The following LRP1B variants were observed in gnomAD, a reference collection of about 807,000 sequenced individuals.
LRP1B encodes low-density lipoprotein receptor-related protein 1B.
Under a neutral mutation model 556.6 loss-of-function variants are expected in LRP1B, and 217 were observed. The observed-to-expected ratio is 0.39, with a 90% confidence interval of 0.35 to 0.44. The LOEUF is 0.44. Among genes scored for constraint, LRP1B ranks in the 20% least tolerant of loss-of-function variants. LRP1B has a pLI of 1.00. For missense variants in LRP1B, 5,053 were observed against 5,620.8 expected, an observed-to-expected ratio of 0.90 and a Z score of 3.23; for synonymous variants, 2,047 against 1,865.8, an observed-to-expected ratio of 1.10 and a Z score of -2.50.
intron 1 of LRP1B, among the ~76,000 whole-genome samples, chr2:141,923,967 G>T (rs965810087): frequency 1.3e-5 from 2 of 152,000 alleles, no homozygotes; most frequent in African/African-American, 4.8e-5. Context: ...CATAGGAAAA[G>T]CATGCTATTG....
chr2:141,512,485 T>C lies in LRP1B; in HGVS notation c.206-31952A>G, dbSNP rs75123329. Among the ~76,000 whole-genome samples, 512 of 152,236 alleles carry C rather than the reference T, an allele frequency of 3.4e-3. 3 individuals carry two copies. The highest frequency in any genetic ancestry group is 0.012 in the African/African-American group (495 of 41,566). ...TCCTTTCTGTCTCAGTGTCAAAAAA[T>C]GGAAATGATTGGAGTGACCTGAGGT... On this transcript the variant is annotated intron_variant, in intron 2 of 90. Coordinates refer to ENST00000389484, the MANE Select transcript of LRP1B (RefSeq NM_018557.3).
At chr2:140,771,440 C>A (rs561768854) in intron 33 of LRP1B, among the ~76,000 whole-genome samples, 17 of 152,124 alleles carry the variant, frequency 1.1e-4, no homozygotes, top group African/African-American at 4.1e-4. Flanking sequence ...AAAGATTATG[C>A]GTCTAAAAGA....
intron 2 of LRP1B, among the ~76,000 whole-genome samples, chr2:141,649,720 C>T (rs1689714087): frequency 6.6e-6 from 1 of 152,146 alleles, no homozygotes; most frequent in South Asian, 2.1e-4. Flanking sequence ...CCTTCATATT[C>T]ATCACTTTAC....
At chr2:140,766,834 TATA>T (rs1347769798) in intron 35 of LRP1B, among the ~76,000 whole-genome samples, 2 of 24,066 alleles carry the variant, frequency 8.3e-5, no homozygotes, top group Admixed American at 5.2e-4. Context: ...TATATATATA[TATA>T]TATATATTAT....
chr2:140,390,210 CT>C (rs1401368028), intron 66 of LRP1B, among the ~76,000 whole-genome samples: 2 of 151,946 alleles, frequency 1.3e-5, no homozygotes, highest in African/African-American at 4.8e-5. Flanking sequence ...AAAAATTAAA[CT>C]GGAGAATTTA....
intron 16 of LRP1B, among the ~76,000 whole-genome samples, chr2:140,991,039 AAAAAC>A (rs755975339): frequency 6.6e-6 from 1 of 152,096 alleles, no homozygotes; most frequent in African/African-American, 2.4e-5. Flanking sequence ...TGTATAGTAA[AAAAAC>A]AAAACAAAAC....
chr2:141,314,610 T>C lies in LRP1B; in HGVS notation c.344-59969A>G, dbSNP rs560110494. Among the ~76,000 whole-genome samples, 3 of 151,350 alleles carry C rather than the reference T, an allele frequency of 2.0e-5. No individual in the cohort carries two copies. In the South Asian group the frequency reaches 6.3e-4, roughly 32 times the overall value. On this transcript the variant is annotated intron_variant, in intron 3 of 90. Coordinates refer to ENST00000389484, the MANE Select transcript of LRP1B (RefSeq NM_018557.3). Reference sequence around the variant, plus strand: ...ATCGAGACCATCTTGGCTAACATGATGAAACCCCGTTTCTACTAAAAATAG... The same window carrying C: ...ATCGAGACCATCTTGGCTAACATGACGAAACCCCGTTTCTACTAAAAATAG...
At chr2:141,173,993 A>G (rs1003496981) in intron 7 of LRP1B, among the ~76,000 whole-genome samples, 1 of 152,040 alleles carries the variant, frequency 6.6e-6, no homozygotes, top group Non-Finnish European at 1.5e-5. Context: ...TTCTATCTAG[A>G]GATAGAATAC....
chr2:141,672,100 A>C (rs188387047), intron 2 of LRP1B, among the ~76,000 whole-genome samples: 31 of 152,132 alleles, frequency 2.0e-4, no homozygotes, highest in African/African-American at 7.0e-4. Flanking sequence ...CAAGGACCTA[A>C]CCTCATCTGG....
At chr2:141,211,851 C>T (rs553381248) in intron 6 of LRP1B, among the ~76,000 whole-genome samples, 18 of 152,134 alleles carry the variant, frequency 1.2e-4, no homozygotes, top group Middle Eastern at 3.4e-3. Flanking sequence ...TGTAACTGTC[C>T]TTTTTTGACT....
chr2:141,826,413 G>A (rs1376374407), intron 1 of LRP1B, among the ~76,000 whole-genome samples: 1 of 131,446 alleles, frequency 7.6e-6, no homozygotes, highest in Non-Finnish European at 1.5e-5. Context: ...AGGCTGGAGT[G>A]CAGTGGCGCC....
chr2:140,586,244 G>A (rs1464659421), intron 43 of LRP1B, among the ~76,000 whole-genome samples: 1 of 152,122 alleles, frequency 6.6e-6, no homozygotes, highest in Non-Finnish European at 1.5e-5. Context: ...AAATTCCATG[G>A]AAGTGTGTTT....
At chr2:141,255,265 C>T (rs1484343287) in intron 3 of LRP1B, among the ~76,000 whole-genome samples, 6 of 151,884 alleles carry the variant, frequency 4.0e-5, no homozygotes, top group East Asian at 1.9e-4. Flanking sequence ...CACAAACAAT[C>T]GCTAACAGAA....
chr2:140,310,627 A>G (rs1444341271), intron 83 of LRP1B, among the ~76,000 whole-genome samples: 1 of 151,736 alleles, frequency 6.6e-6, no homozygotes, highest in African/African-American at 2.4e-5. Context: ...TGACAAAATT[A>G]ACAGAAATAT....
intron 3 of LRP1B, among the ~76,000 whole-genome samples, chr2:141,312,696 T>C (rs1270777384): frequency 2.3e-5 from 2 of 85,238 alleles, no homozygotes; most frequent in Non-Finnish European, 4.9e-5. Flanking sequence ...TTGATAATTC[T>C]TTTTTTTTTT....
intron 7 of LRP1B, among the ~76,000 whole-genome samples, chr2:141,069,704 A>T (rs1699581713): frequency 6.6e-6 from 1 of 152,170 alleles, no homozygotes; most frequent in African/African-American, 2.4e-5. Context: ...TAACATTTTG[A>T]CTGTGAGGCA....
chr2:140,712,106 G>T (rs1165715639), intron 37 of LRP1B, among the ~76,000 whole-genome samples: 1 of 152,050 alleles, frequency 6.6e-6, no homozygotes, highest in Non-Finnish European at 1.5e-5. Flanking sequence ...TTCTTTGGAG[G>T]ATTATCCTGG....
rs368760071 is a variant in LRP1B, at chr2:141,035,055, T to C, written c.1789+13931A>G. ...AAAAATGATGAGTTCATGTCCTTTG[T>C]AGGGACATGGATGAAATTGGAAATC... On this transcript the variant is annotated intron_variant, in intron 11 of 90. Coordinates refer to ENST00000389484, the MANE Select transcript of LRP1B (RefSeq NM_018557.3). Among the ~76,000 whole-genome samples, 1,494 of 152,044 alleles carry C rather than the reference T, an allele frequency of 9.8e-3. 26 individuals are homozygous for C. Among genetic ancestry groups the C allele is most frequent in the African/African-American group, 0.033 (1,358 of 41,434 alleles).
chr2:141,908,482 A>G (rs1232348521), intron 1 of LRP1B, among the ~76,000 whole-genome samples: 2 of 152,032 alleles, frequency 1.3e-5, no homozygotes, highest in African/African-American at 2.4e-5. Flanking sequence ...GAGAAAAACC[A>G]TATGATAAGA....
Sources: gnomAD v4.1 joint callset for allele counts (sites outside exome capture counted in the v4.1 genomes callset) on GRCh38, gnomAD v4.1.1 for gene constraint, MANE v1.5 for transcripts, NCBI Gene and HGNC (gene_info 2026-07-23, HGNC 2026-07-21) for gene names.